The following SEMA3C variants were observed in gnomAD, a reference collection of about 807,000 sequenced individuals.
The protein encoded by SEMA3C is semaphorin 3C, also known as semaphorin-3C.
In SEMA3C, 47 loss-of-function variants were observed where a neutral mutation model predicts 89.4. That is an observed-to-expected ratio of 0.53 (90% CI 0.42 to 0.67). SEMA3C has a LOEUF of 0.67. SEMA3C is among the 30% of genes least tolerant of loss of function. SEMA3C has a pLI of 0.00. For missense variants in SEMA3C, 839 were observed against 929.1 expected (o/e 0.90, Z 1.26); for synonymous variants, 310 against 320.2 (o/e 0.97, Z 0.34).
chr7:80,835,622 C>T (rs902690588), intron 2 of SEMA3C, among the ~76,000 whole-genome samples: 3 of 152,064 alleles, frequency 2.0e-5, no homozygotes, highest in South Asian at 4.1e-4. Flanking sequence ...GAAACTTCAG[C>T]GGACTGAAAC....
chr7:80,859,868 T>G (rs1465721487), intron 2 of SEMA3C, among the ~76,000 whole-genome samples: 1 of 152,122 alleles, frequency 6.6e-6, no homozygotes, highest in Non-Finnish European at 1.5e-5. Flanking sequence ...TCTAACACCT[T>G]TCACATGTGT....
chr7:80,754,019 T>C (rs541926383), intron 15 of SEMA3C, among the ~76,000 whole-genome samples: 3 of 152,232 alleles, frequency 2.0e-5, no homozygotes, highest in Non-Finnish European at 1.5e-5. Context: ...CTCGCTGCAA[T>C]CTCCGCCTCC....
rs747463370 is a variant in SEMA3C at position 80,827,415 on chromosome 7, T to C, written c.327+10A>G. 4.0e-5 allele frequency: 59 copies of C among 1,471,036 alleles called. No homozygotes were observed. The Middle Eastern group carries it at 1.2e-3, about 30-fold the overall frequency. 91.1% of individuals were successfully genotyped at this position (1,471,036 alleles called of 1,614,324 possible). On this transcript the variant is annotated intron_variant, in intron 4 of 17. Coordinates refer to ENST00000265361, the MANE Select transcript of SEMA3C (RefSeq NM_006379.5). ...GTGTTTTTTTTTTTTTTTTTTTTTT[T>C]AACACTTACTGTGGGATCTTTGCCA...
chr7:80,918,684 G>T, intron 1 of SEMA3C, 144 bp downstream of exon 1: 2 of 388,394 alleles, frequency 5.1e-6, no homozygotes, highest in Non-Finnish European at 7.0e-6. Context: ...CTCTCAGCAA[G>T]GGGAAAGCTT....
chr7:80,887,474 A>G (rs1334777349), intron 2 of SEMA3C, among the ~76,000 whole-genome samples: 1 of 152,200 alleles, frequency 6.6e-6, no homozygotes, highest in Non-Finnish European at 1.5e-5. Flanking sequence ...AGATTAAATC[A>G]ATGATTCAAA....
chr7:80,827,055 T>C (rs757795497), intron 4 of SEMA3C, among the ~76,000 whole-genome samples: 37 of 152,128 alleles, frequency 2.4e-4, no homozygotes, highest in Non-Finnish European at 4.3e-4. Flanking sequence ...AGAATCTTTG[T>C]TTGGAAAAGC....
chr7:80,744,179 T>TAA lies in SEMA3C; in HGVS notation c.*713_*714dup, dbSNP rs1297934346. On this transcript the variant is annotated 3_prime_UTR_variant, in exon 18 of 18. Transcript: ENST00000265361. ...GTAAGTGCTTTTGTTTGGAAGGTGA[T>TAA]AACATAAGAATATAAACCAAACTGC... 1 of 152,080 alleles carries TAA rather than the reference T, an allele frequency of 6.6e-6. No individual in the cohort carries two copies. Among genetic ancestry groups the TAA allele is most frequent in the East Asian group, 1.9e-4 (1 of 5,188 alleles). 9.4% of individuals were successfully genotyped at this position (152,080 alleles called of 1,614,324 possible).
intron 2 of SEMA3C, among the ~76,000 whole-genome samples, chr7:80,908,671 T>C (rs1792071133): frequency 6.6e-6 from 1 of 152,124 alleles, no homozygotes; most frequent in South Asian, 2.1e-4. Flanking sequence ...ATGGATTACT[T>C]CCTTTTTGCG....
rs781178737 is a variant in SEMA3C at position 80,744,897 on chromosome 7, T to C, written c.2253A>G (p.Ser751=). The change falls in exon 18 of 18, where the codon TCA becomes TCG. Residue 751 remains serine, a synonymous_variant. Coordinates refer to ENST00000265361, the MANE Select transcript of SEMA3C (RefSeq NM_006379.5). Reference sequence around the variant, plus strand: ...ATAAGACCCACATAAGAAAATATTATGACTCTGGCAACTGATTCCTCCTGT... The same window carrying C: ...ATAAGACCCACATAAGAAAATATTACGACTCTGGCAACTGATTCCTCCTGT... ...SRNRRNQLPE[S] 1.2e-5 allele frequency: 19 copies of C among 1,613,998 alleles called. No homozygotes were observed. The highest frequency in any genetic ancestry group is 1.4e-5 in the Non-Finnish European group (17 of 1,179,902).
chr7:80,772,547 G>C (rs540462399), intron 12 of SEMA3C, among the ~76,000 whole-genome samples: 10 of 152,112 alleles, frequency 6.6e-5, no homozygotes, highest in African/African-American at 2.2e-4. Context: ...GTTGGTCATC[G>C]AGGGCATCTC....
intron 2 of SEMA3C, among the ~76,000 whole-genome samples, chr7:80,874,215 T>C (rs1222693576): frequency 6.6e-6 from 1 of 152,150 alleles, no homozygotes; most frequent in Non-Finnish European, 1.5e-5. Context: ...AATTGACTGC[T>C]CCTAACAACC....
At chr7:80,860,959 A>G (rs1790757366) in intron 2 of SEMA3C, among the ~76,000 whole-genome samples, 1 of 152,184 alleles carries the variant, frequency 6.6e-6, no homozygotes, top group South Asian at 2.1e-4. Flanking sequence ...ATGTTGACAT[A>G]GTTTATGTGT....
At chr7:80,768,200 T>C (rs1039025255) in intron 12 of SEMA3C, among the ~76,000 whole-genome samples, 3 of 152,186 alleles carry the variant, frequency 2.0e-5, no homozygotes, top group Admixed American at 2.0e-4. Flanking sequence ...AAATATCTGC[T>C]TTGCAGCCGC....
chr7:80,895,192 A>G (rs1791705423), intron 2 of SEMA3C, among the ~76,000 whole-genome samples: 1 of 152,168 alleles, frequency 6.6e-6, no homozygotes. Flanking sequence ...ACTAGTCTTT[A>G]CTAATGGCAC....
chr7:80,907,565 G>A (rs1183928302), intron 2 of SEMA3C, among the ~76,000 whole-genome samples: 1 of 151,924 alleles, frequency 6.6e-6, no homozygotes, highest in African/African-American at 2.4e-5. Context: ...CAGAAAGATT[G>A]TTTTTATAAA....
In SEMA3C at chr7:80,872,438, C is replaced by T. The variant is rs527920088; in HGVS notation, c.104-43693G>A. ...AAAGTGCTGAGATTACAGGTGTAAT[C>T]CCAAGAGGGGGGTGAGTAGAAGTTA... is the stretch of plus-strand genomic sequence containing the variant. On this transcript the variant is annotated intron_variant, in intron 2 of 17. Transcript: ENST00000265361. 1.1e-3 allele frequency among the ~76,000 whole-genome samples: 167 copies of T among 152,206 alleles called. 1 individual carries two copies. Among genetic ancestry groups the T allele is most frequent in the Admixed American group, 2.8e-3 (43 of 15,278 alleles).
At chr7:80,888,415 G>A (rs1791533214) in intron 2 of SEMA3C, among the ~76,000 whole-genome samples, 1 of 152,072 alleles carries the variant, frequency 6.6e-6, no homozygotes, top group Non-Finnish European at 1.5e-5. Flanking sequence ...AGTGAGCTGA[G>A]ATGACATCAC....
intron 15 of SEMA3C, among the ~76,000 whole-genome samples, chr7:80,755,265 A>G (rs1013141734): frequency 6.6e-6 from 1 of 151,560 alleles, no homozygotes; most frequent in Non-Finnish European, 1.5e-5. Flanking sequence ...ATGACAATGT[A>G]TATTTAAGCA....
At chr7:80,808,440 T>C (rs1030932327) in intron 6 of SEMA3C, among the ~76,000 whole-genome samples, 6 of 152,196 alleles carry the variant, frequency 3.9e-5, no homozygotes, top group African/African-American at 1.4e-4. Flanking sequence ...GCATAGGTCA[T>C]AATTGGATAA....
Sources: allele counts gnomAD v4.1 joint callset (sites outside exome capture counted in the v4.1 genomes callset), GRCh38; gene constraint gnomAD v4.1.1; transcripts MANE v1.5; gene names NCBI Gene and HGNC (gene_info 2026-07-23, HGNC 2026-07-21).